PLB1: variants seen among roughly 807,000 people sequenced by gnomAD.
The protein encoded by PLB1 is phospholipase B1.
PLB1 carries 242 observed loss-of-function variants against 227.4 expected under a neutral mutation model. The observed-to-expected ratio is 1.06, with a 90% CI of 0.96 to 1.18. The LOEUF is 1.18. Among genes scored for constraint, PLB1 ranks in the 50% most tolerant of loss-of-function variants. PLB1 has a pLI of 0.00. For missense variants in PLB1, 1,858 were observed against 1,816.3 expected (o/e 1.02, Z -0.42); for synonymous variants, 757 against 682.2 (o/e 1.11, Z -1.71).
intron 38 of PLB1, among the ~76,000 whole-genome samples, chr2:28,602,274 G>A (rs1684039837): frequency 2.0e-5 from 3 of 152,178 alleles, no homozygotes; most frequent in Non-Finnish European, 4.4e-5. Flanking sequence ...CAGCCAGGTG[G>A]CCCCCAGGCT....
rs2148294381 is a variant in PLB1, at chr2:28,597,937, A to G, written c.2322-68A>G. On this transcript the variant is annotated intron_variant, in intron 33 of 57. Transcript: ENST00000327757. ...AGAAGGGTGGGGGCTGCTCTTGTGT[A>G]AAGTTCCTAGATTGATTCAACCAAT... 8 of 1,472,120 alleles carry G rather than the reference A, an allele frequency of 5.4e-6. No homozygotes were observed. In the African/African-American group the frequency reaches 7.0e-5, roughly 13 times the overall value. 91.2% of individuals were successfully genotyped at this position (1,472,120 alleles called of 1,614,324 possible).
chr2:28,593,757 A>C lies in PLB1; in HGVS notation c.2321+3A>C. 1 of 1,613,238 alleles carries C rather than the reference A, an allele frequency of 6.2e-7. No individual in the cohort carries two copies. Among genetic ancestry groups the C allele is most frequent in the Non-Finnish European group, 8.5e-7 (1 of 1,179,314 alleles). ...CAGTATCGGGGACTGTCATACAGGT[A>C]ATGTTAACCTTTGACCTCTCCCAGC... On this transcript the variant is annotated splice_donor_region_variant and intron_variant, in intron 33 of 57. Coordinates refer to ENST00000327757, the MANE Select transcript of PLB1 (RefSeq NM_153021.5).
chr2:28,517,183 T>A (rs916403148), intron 2 of PLB1, among the ~76,000 whole-genome samples: 1 of 152,210 alleles, frequency 6.6e-6, no homozygotes, highest in African/African-American at 2.4e-5. Flanking sequence ...GGAATCTGGG[T>A]GAGGTCTTCC....
intron 14 of PLB1, among the ~76,000 whole-genome samples, chr2:28,545,316 CAGGAT>C (rs1572882414): frequency 6.6e-6 from 1 of 152,174 alleles, no homozygotes; most frequent in African/African-American, 2.4e-5. Context: ...CAGGGAGAGA[CAGGAT>C]AGGAGGGGGT....
At chr2:28,550,580 A>G (rs761700229) in intron 16 of PLB1, among the ~76,000 whole-genome samples, 1 of 143,408 alleles carries the variant, frequency 7.0e-6, no homozygotes, top group African/African-American at 2.6e-5. Context: ...TCGCTATGTC[A>G]TCCAGGCTGG....
rs548944553 is a variant in PLB1, at chr2:28,552,915, T to A, written c.1084-13T>A. The A allele has an allele frequency of 6.5e-5, 105 of 1,612,676 alleles. No individual in the cohort carries two copies. The East Asian group carries it at 2.1e-3, about 33-fold the overall frequency. ...AATCCATTTTCCTTATTTCCCTGTGTGTCTCATTTCAGGTAAGAGAAGGAG... is the reference window on the plus strand; with the variant it reads ...AATCCATTTTCCTTATTTCCCTGTGAGTCTCATTTCAGGTAAGAGAAGGAG... On this transcript the variant is annotated splice_polypyrimidine_tract_variant and intron_variant, in intron 16 of 57. Coordinates refer to ENST00000327757, the MANE Select transcript of PLB1 (RefSeq NM_153021.5).
At position 28,578,476 on chromosome 2, in the gene PLB1, G is replaced by A. The variant is rs762345793; in HGVS notation, c.1485+318G>A. Among the ~76,000 whole-genome samples the A allele has an allele frequency of 3.3e-5, 5 of 152,240 alleles. No individual in the cohort carries two copies. The South Asian group carries it at 6.2e-4, about 19-fold the overall frequency. ...TAAAACAGTTGCCACGTGCTCCACC[G>A]AAAGGGCTCTGTATAAGACACGGTG... On this transcript the variant is annotated intron_variant, in intron 22 of 57. Transcript: ENST00000327757.
Position 28,519,777 on chromosome 2 carries a change from G to A in PLB1, c.243+14G>A, listed in dbSNP as rs1473883299. The A allele has an allele frequency of 6.2e-7, 1 of 1,603,236 alleles. No homozygotes were observed. The highest frequency in any genetic ancestry group is 1.7e-5 in the Admixed American group (1 of 59,990). The stretch of plus-strand genomic sequence containing the variant: ...AATCTGGAAATTGTGAGTATTTGAA[G>A]TAGCTTGGGGCAGGAGACAGAGTTT... On this transcript the variant is annotated intron_variant, in intron 4 of 57. Transcript: ENST00000327757.
At chr2:28,642,723 C>A in intron 57 of PLB1, 135 bp from the exon 58 acceptor site, 2 of 782,654 alleles carry the variant, frequency 2.6e-6, no homozygotes, top group Non-Finnish European at 2.0e-6. Flanking sequence ...AATGAGGGAG[C>A]TTTACAAAAG....
chr2:28,514,483 C>T (rs1013110631), intron 1 of PLB1, among the ~76,000 whole-genome samples: 1 of 152,122 alleles, frequency 6.6e-6, no homozygotes, highest in Non-Finnish European at 1.5e-5. Flanking sequence ...GTTTCTACGT[C>T]TTTTAATGGT....
intron 1 of PLB1, among the ~76,000 whole-genome samples, chr2:28,497,014 G>T (rs113945066): frequency 2.6e-5 from 4 of 152,334 alleles, no homozygotes; most frequent in South Asian, 2.1e-4. Flanking sequence ...TTACCGCTCT[G>T]AGCCGTGGGG....
At chr2:28,545,167 G>A (rs899325555) in intron 14 of PLB1, among the ~76,000 whole-genome samples, 3 of 152,166 alleles carry the variant, frequency 2.0e-5, no homozygotes, top group African/African-American at 7.2e-5. Context: ...AGTGTCACAA[G>A]GGCTTAGAAG....
intron 2 of PLB1, among the ~76,000 whole-genome samples, chr2:28,518,046 T>C (rs1412955482): frequency 6.6e-6 from 1 of 152,088 alleles, no homozygotes; most frequent in Non-Finnish European, 1.5e-5. Context: ...TCTGTATTTT[T>C]GTATTTCGTA....
intron 12 of PLB1, among the ~76,000 whole-genome samples, chr2:28,541,315 C>T (rs932156092): frequency 1.3e-5 from 2 of 152,166 alleles, no homozygotes; most frequent in African/African-American, 4.8e-5. Flanking sequence ...AAGAAAATTG[C>T]ATTTGAAGTT....
chr2:28,638,539 G>A (rs1468333365), intron 56 of PLB1, among the ~76,000 whole-genome samples: 1 of 152,270 alleles, frequency 6.6e-6, no homozygotes, highest in East Asian at 1.9e-4. Context: ...GGCTGCTGTT[G>A]ATGGGTGAGA....
At chr2:28,505,890 T>C (rs1399058063) in intron 1 of PLB1, among the ~76,000 whole-genome samples, 1 of 152,188 alleles carries the variant, frequency 6.6e-6, no homozygotes, top group Non-Finnish European at 1.5e-5. Flanking sequence ...TGTTAGACTC[T>C]ACATCCCAAT....
At chr2:28,601,469 CCACACACA>C (rs3071740) in intron 37 of PLB1, 137 bp downstream of exon 37, 33 of 600,180 alleles carry the variant, frequency 5.5e-5, no homozygotes, top group South Asian at 1.1e-4. Flanking sequence ...TATACACATA[CCACACACA>C]CACACACACA....
At chr2:28,577,608 C>T (rs192885887) in intron 21 of PLB1, among the ~76,000 whole-genome samples, 67 of 152,234 alleles carry the variant, frequency 4.4e-4, no homozygotes, top group African/African-American at 1.3e-3. Flanking sequence ...TTTGGGAGGC[C>T]GAGGCAGATG....
chr2:28,631,152 C>CAAAAAAAA (rs56107032), intron 54 of PLB1, among the ~76,000 whole-genome samples: 1 of 137,666 alleles, frequency 7.3e-6, no homozygotes. Flanking sequence ...GACCCTATCT[C>CAAAAAAAA]AAAAAAAAAA....
Sources: gnomAD v4.1 joint callset for allele counts (sites outside exome capture counted in the v4.1 genomes callset) on GRCh38, gnomAD v4.1.1 for gene constraint, MANE v1.5 for transcripts, NCBI Gene and HGNC (gene_info 2026-07-23, HGNC 2026-07-21) for gene names.